The following KAZN variants were observed in gnomAD, a reference collection of about 807,000 sequenced individuals.
KAZN encodes the protein kazrin.
KAZN carries 40 observed loss-of-function variants against 87.4 expected under a neutral mutation model. The observed-to-expected ratio is 0.46, with a 90% CI of 0.36 to 0.60. The LOEUF (loss-of-function observed/expected upper bound fraction) is 0.60. KAZN is among the 20% of genes least tolerant of loss of function. The pLI, the probability that KAZN is intolerant of heterozygous loss-of-function variation, is 0.00. For synonymous variants in KAZN, 466 were observed against 458.3 expected (o/e 1.02, Z -0.22); for missense variants, 898 against 1,073.9 (o/e 0.84, Z 2.29).
chr1:14,858,570 C>T (rs1405124905), intron 1 of KAZN, among the ~76,000 whole-genome samples: 2 of 152,188 alleles, frequency 1.3e-5, no homozygotes, highest in Non-Finnish European at 2.9e-5. Flanking sequence ...GTCGTTTCCA[C>T]CTTTTGGCTG....
At chr1:14,402,452 T>G (rs1663496950) in intron 2 of KAZN, among the ~76,000 whole-genome samples, 1 of 152,084 alleles carries the variant, frequency 6.6e-6, no homozygotes, top group Non-Finnish European at 1.5e-5. Context: ...TGGACAAAAT[T>G]ATAAAGTGTT....
intron 2 of KAZN, among the ~76,000 whole-genome samples, chr1:14,359,971 G>A (rs1659368994): frequency 6.6e-6 from 1 of 152,126 alleles, no homozygotes; most frequent in Admixed American, 6.6e-5. Context: ...TCCTGAATTT[G>A]GATGTTGGCC....
chr1:14,554,202 T>C (rs1295250661), intron 2 of KAZN, among the ~76,000 whole-genome samples: 1 of 152,036 alleles, frequency 6.6e-6, no homozygotes, highest in Non-Finnish European at 1.5e-5. Context: ...AGATATGAAG[T>C]GGTAACTGGC....
At chr1:14,998,100 CTCCAG>C (rs1488465008) in intron 2 of KAZN, among the ~76,000 whole-genome samples, 9 of 152,046 alleles carry the variant, frequency 5.9e-5, no homozygotes, top group African/African-American at 2.2e-4. Flanking sequence ...CTCGGACACT[CTCCAG>C]TGGATGGGAA....
chr1:14,407,600 C>T (rs1277376905), intron 2 of KAZN, among the ~76,000 whole-genome samples: 2 of 152,200 alleles, frequency 1.3e-5, no homozygotes, highest in Non-Finnish European at 2.9e-5. Context: ...CACAACCTGC[C>T]TGTGAGACCT....
At chr1:15,027,716 C>T (rs1448554231) in intron 2 of KAZN, among the ~76,000 whole-genome samples, 1 of 152,208 alleles carries the variant, frequency 6.6e-6, no homozygotes, top group African/African-American at 2.4e-5. Context: ...TGACGTGGAC[C>T]GATTCCTCCC....
intron 1 of KAZN, among the ~76,000 whole-genome samples, chr1:14,049,284 A>G (rs1557432317): frequency 6.6e-6 from 1 of 151,096 alleles, no homozygotes; most frequent in Admixed American, 6.6e-5. Context: ...CATGGACACA[A>G]GAAGGGGAAC....
chr1:14,220,877 T>C (rs1465486622), intron 2 of KAZN, among the ~76,000 whole-genome samples: 1 of 152,148 alleles, frequency 6.6e-6, no homozygotes, highest in Non-Finnish European at 1.5e-5. Context: ...CATTGATTTT[T>C]AAGAAAAAAG....
chr1:15,114,290 A>T, intron 14 of KAZN, 181 bp from the exon 15 acceptor site: 1 of 576,968 alleles, frequency 1.7e-6, no homozygotes, highest in Non-Finnish European at 3.1e-6. Flanking sequence ...CCTAATGGTC[A>T]TTCACAAACT....
At chr1:14,959,872 T>A (rs1156835200) in intron 1 of KAZN, among the ~76,000 whole-genome samples, 2 of 152,162 alleles carry the variant, frequency 1.3e-5, no homozygotes, top group African/African-American at 4.8e-5. Context: ...TTTGGGAGGA[T>A]GGCGCACCTT....
chr1:14,708,567 GT>G (rs939365430), intron 1 of KAZN, among the ~76,000 whole-genome samples: 13 of 152,214 alleles, frequency 8.5e-5, no homozygotes, highest in African/African-American at 3.1e-4. Context: ...ACATCAGAGA[GT>G]TTTCACACAG....
chr1:14,111,811 C>T (rs1644505370), intron 1 of KAZN, among the ~76,000 whole-genome samples: 1 of 148,738 alleles, frequency 6.7e-6, no homozygotes, highest in Admixed American at 6.7e-5. Context: ...ATGATCTTGG[C>T]TAACTGCAAC....
At chr1:14,584,087 CCTT>C (rs1430218217) in intron 2 of KAZN, among the ~76,000 whole-genome samples, 6 of 152,174 alleles carry the variant, frequency 3.9e-5, no homozygotes, top group South Asian at 2.1e-4. Flanking sequence ...GATTCCTTCT[CCTT>C]CTGCTAAATC....
In KAZN at chr1:14,588,488, A is replaced by G. The variant is rs60589044; in HGVS notation, c.250-10495A>G. Among the ~76,000 whole-genome samples, 611 of 152,354 alleles carry G rather than the reference A, an allele frequency of 4.0e-3. 9 individuals are homozygous for G. The highest frequency in any genetic ancestry group is 0.014 in the African/African-American group (587 of 41,572). The stretch of plus-strand genomic sequence containing the variant: ...GGTGGAAATCCCACTGGTCAGTGAT[A>G]TGTATGATCATTTCCTGCTTAGCTT... On this transcript the variant is annotated intron_variant, in intron 2 of 16. Transcript: ENST00000636203.
intron 1 of KAZN, among the ~76,000 whole-genome samples, chr1:14,099,622 G>A (rs1343942540): frequency 6.6e-6 from 1 of 152,146 alleles, no homozygotes; most frequent in Non-Finnish European, 1.5e-5. Flanking sequence ...CTCACCTGAG[G>A]AGTTTTTGGC....
intron 1 of KAZN, among the ~76,000 whole-genome samples, chr1:13,965,639 T>C (rs999794441): frequency 2.6e-5 from 4 of 152,148 alleles, no homozygotes; most frequent in Non-Finnish European, 5.9e-5. Context: ...TGCAGCCCGA[T>C]AGTCCCAACT....
chr1:14,986,422 A>G (rs1334290658), intron 2 of KAZN, among the ~76,000 whole-genome samples: 3 of 152,160 alleles, frequency 2.0e-5, no homozygotes, highest in Non-Finnish European at 4.4e-5. Flanking sequence ...TGCAGAGAGG[A>G]AACTTGTGTA....
rs547640644 is a variant in KAZN at position 14,492,936 on chromosome 1, C to G, written c.250-106047C>G. Among the ~76,000 whole-genome samples the G allele has an allele frequency of 9.9e-5, 15 of 152,000 alleles. No individual in the cohort carries two copies. In the South Asian group the frequency reaches 2.5e-3, roughly 25 times the overall value. On this transcript the variant is annotated intron_variant, in intron 2 of 16. Transcript: ENST00000636203. The stretch of plus-strand genomic sequence containing the variant: ...CCACTTGCTCGCTGCAGCCTCTTGA[C>G]CTGGACATTCCTTAATCAGGTCCCG...
intron 2 of KAZN, among the ~76,000 whole-genome samples, chr1:14,482,486 C>G (rs1413389628): frequency 6.6e-6 from 1 of 152,138 alleles, no homozygotes; most frequent in Admixed American, 6.5e-5. Flanking sequence ...TACCTTCTCT[C>G]AGACTCTATT....
Sources: allele counts gnomAD v4.1 joint callset (sites outside exome capture counted in the v4.1 genomes callset), GRCh38; gene constraint gnomAD v4.1.1; transcripts MANE v1.5; gene names NCBI Gene and HGNC (gene_info 2026-07-23, HGNC 2026-07-21).